The following TAFA2 variants were observed in gnomAD, a reference collection of about 807,000 sequenced individuals.
TAFA2 encodes the protein TAFA chemokine like family member 2.
Under a neutral mutation model 18.8 loss-of-function variants are expected in TAFA2, and 7 were observed. That is an observed-to-expected ratio of 0.37 (90% CI 0.21 to 0.70). TAFA2 has a LOEUF of 0.70. Ranked by LOEUF, TAFA2 falls within the 30% of genes least tolerant of loss-of-function variation. The pLI is 0.53. For missense variants in TAFA2, 122 were observed against 158.1 expected, an observed-to-expected ratio of 0.77 and a Z score of 1.23; for synonymous variants, 60 against 54.2, an observed-to-expected ratio of 1.11 and a Z score of -0.47.
intron 2 of TAFA2, among the ~76,000 whole-genome samples, chr12:61,811,691 TC>T (rs1354163504): frequency 1.3e-5 from 2 of 151,284 alleles, no homozygotes; most frequent in African/African-American, 4.9e-5. Flanking sequence ...AGCATACTCT[TC>T]GTAGAAAATT....
intron 4 of TAFA2, among the ~76,000 whole-genome samples, chr12:61,738,616 G>A (rs189304437): frequency 2.2e-4 from 33 of 152,176 alleles, no homozygotes; most frequent in African/African-American, 6.7e-4. Context: ...CCTGGGTAGA[G>A]CACCTTTACA....
intron 1 of TAFA2, among the ~76,000 whole-genome samples, chr12:61,960,649 T>C (rs1878851919): frequency 6.6e-6 from 1 of 151,964 alleles, no homozygotes; most frequent in African/African-American, 2.4e-5. Flanking sequence ...TCATCATACA[T>C]TGCATCCTCC....
In TAFA2 at chr12:61,808,326, C is replaced by T. The variant is rs545690682; in HGVS notation, c.107-53302G>A. On this transcript the variant is annotated intron_variant, in intron 2 of 4. Coordinates refer to ENST00000416284, the MANE Select transcript of TAFA2 (RefSeq NM_178539.5). Reference sequence around the variant, plus strand: ...CCTTCTGCCATGATTATGAGGCCTCCGCACCAAATGGTCAATAAACCTCTT... The same window carrying T: ...CCTTCTGCCATGATTATGAGGCCTCTGCACCAAATGGTCAATAAACCTCTT... 1.5e-4 allele frequency among the ~76,000 whole-genome samples: 22 copies of T among 151,620 alleles called. 1 individual carries two copies. The highest frequency in any genetic ancestry group is 4.1e-4 in the South Asian group (2 of 4,824).
intron 1 of TAFA2, among the ~76,000 whole-genome samples, chr12:62,181,040 G>A (rs2062548304): frequency 6.6e-6 from 1 of 152,150 alleles, no homozygotes; most frequent in South Asian, 2.1e-4. Flanking sequence ...ATAAATTATG[G>A]AAAGAATGAG....
chr12:62,120,892 A>G (rs9738122), intron 1 of TAFA2, among the ~76,000 whole-genome samples: 34,041 of 151,428 alleles, frequency 0.22, 4,192 homozygotes, highest in East Asian at 0.38. Context: ...TTTCGCTCTT[A>G]TTGCCCACGC....
chr12:61,837,059 A>C (rs147985713), intron 2 of TAFA2, among the ~76,000 whole-genome samples: 3,965 of 151,770 alleles, frequency 0.026, 191 homozygotes, highest in African/African-American at 0.09. Flanking sequence ...TAATTTTCAC[A>C]TTAAAACTTC....
chr12:62,156,244 G>A (rs57237153), intron 1 of TAFA2, among the ~76,000 whole-genome samples: 20,046 of 152,132 alleles, frequency 0.13, 1,468 homozygotes, highest in South Asian at 0.15. Context: ...ATCACAATGC[G>A]ATACCACCTT....
intron 1 of TAFA2, among the ~76,000 whole-genome samples, chr12:61,994,581 C>A (rs1055864234): frequency 1.3e-5 from 2 of 149,348 alleles, no homozygotes; most frequent in Non-Finnish European, 2.9e-5. Context: ...TTTTTCATGC[C>A]ATTCTTCAGT....
chr12:61,990,528 A>G (rs1000523912), intron 1 of TAFA2, among the ~76,000 whole-genome samples: 210 of 151,660 alleles, frequency 1.4e-3, no homozygotes, highest in African/African-American at 4.6e-3. Context: ...TTTAATAGAG[A>G]CGGGGTTTCA....
At chr12:62,046,165 G>A (rs1256630720) in intron 1 of TAFA2, among the ~76,000 whole-genome samples, 1 of 152,114 alleles carries the variant, frequency 6.6e-6, no homozygotes, top group Admixed American at 6.6e-5. Context: ...GGATCCAAAA[G>A]ATTAAAGTGT....
At chr12:61,955,326 G>A (rs970792460) in intron 1 of TAFA2, among the ~76,000 whole-genome samples, 17 of 151,630 alleles carry the variant, frequency 1.1e-4, no homozygotes, top group Admixed American at 5.9e-4. Context: ...ATTGTAGGCC[G>A]AGCATGGTGG....
intron 1 of TAFA2, chr12:62,253,451 T>C (rs775942218): frequency 2.0e-5 from 3 of 152,258 alleles, no homozygotes; most frequent in Non-Finnish European, 4.4e-5. Context: ...ACAGAAGTAT[T>C]GTCTCTTACA....
At chr12:61,936,522 C>A (rs1482568032) in intron 1 of TAFA2, among the ~76,000 whole-genome samples, 1 of 152,148 alleles carries the variant, frequency 6.6e-6, no homozygotes, top group South Asian at 2.1e-4. Flanking sequence ...GAGCTGAGAT[C>A]ATGCCACTGC....
intron 1 of TAFA2, among the ~76,000 whole-genome samples, chr12:62,112,587 G>A (rs910883190): frequency 6.6e-5 from 10 of 152,062 alleles, no homozygotes; most frequent in Non-Finnish European, 1.2e-4. Flanking sequence ...TTTCCAACTT[G>A]GTTCCCTTCT....
chr12:61,939,810 A>G (rs1259590020), intron 1 of TAFA2, among the ~76,000 whole-genome samples: 2 of 152,242 alleles, frequency 1.3e-5, no homozygotes, highest in African/African-American at 4.8e-5. Context: ...GCCTAAAGTA[A>G]GATCCAGAGA....
At chr12:62,122,728 T>C (rs578241297) in intron 1 of TAFA2, among the ~76,000 whole-genome samples, 2 of 152,298 alleles carry the variant, frequency 1.3e-5, no homozygotes, top group Non-Finnish European at 2.9e-5. Context: ...CCACTCACTG[T>C]TCCATATAAC....
At chr12:61,715,000 C>A (rs966196117) in intron 4 of TAFA2, among the ~76,000 whole-genome samples, 10 of 152,184 alleles carry the variant, frequency 6.6e-5, no homozygotes, top group Admixed American at 6.5e-4. Flanking sequence ...CTAGCTGACC[C>A]TTGGCCTCCC....
intron 1 of TAFA2, among the ~76,000 whole-genome samples, chr12:61,869,732 T>C (rs1363580064): frequency 1.3e-5 from 2 of 152,208 alleles, no homozygotes; most frequent in Non-Finnish European, 2.9e-5. Flanking sequence ...AAACCAAATG[T>C]CATTTTAAAT....
intron 1 of TAFA2, chr12:61,880,743 T>G: frequency 7.9e-6 from 3 of 379,098 alleles, no homozygotes; most frequent in South Asian, 6.7e-5. Flanking sequence ...GAAGCTTGTG[T>G]CTGAGTCCTC....
Sources: gnomAD v4.1 joint callset for allele counts (sites outside exome capture counted in the v4.1 genomes callset) on GRCh38, gnomAD v4.1.1 for gene constraint, MANE v1.5 for transcripts, NCBI Gene and HGNC (gene_info 2026-07-23, HGNC 2026-07-21) for gene names.